BABAM2: variants seen among roughly 807,000 people sequenced by gnomAD.
BABAM2 encodes the protein BRISC and BRCA1-A complex member 2.
Under a neutral mutation model 54.7 loss-of-function variants are expected in BABAM2, and 31 were observed. That is an observed-to-expected ratio of 0.57 (90% CI 0.43 to 0.77). BABAM2 has a LOEUF of 0.77. Among genes scored for constraint, BABAM2 ranks in the 30% least tolerant of loss-of-function variants. The pLI, the probability that BABAM2 is intolerant of heterozygous loss-of-function variation, is 0.00. For missense variants in BABAM2, 364 were observed against 455.8 expected, an observed-to-expected ratio of 0.80 and a Z score of 1.83; for synonymous variants, 167 against 162.9, an observed-to-expected ratio of 1.03 and a Z score of -0.19.
chr2:27,957,183 T>C (rs1452195541), intron 3 of BABAM2, among the ~76,000 whole-genome samples: 1 of 152,208 alleles, frequency 6.6e-6, no homozygotes, highest in Non-Finnish European at 1.5e-5. Flanking sequence ...ATTATCTCAC[T>C]ACACTTGGGT....
At chr2:27,967,239 T>C (rs980023454) in intron 3 of BABAM2, among the ~76,000 whole-genome samples, 17 of 152,230 alleles carry the variant, frequency 1.1e-4, no homozygotes, top group South Asian at 1.0e-3. Context: ...GAAGGACTTG[T>C]GGGAGGTAAT....
intron 7 of BABAM2, among the ~76,000 whole-genome samples, chr2:28,145,729 C>T (rs895148033): frequency 6.6e-6 from 1 of 152,184 alleles, no homozygotes; most frequent in African/African-American, 2.4e-5. Flanking sequence ...GCAGTTACTC[C>T]CAGTTTTCCC....
chr2:28,334,679 G>A (rs1691263728), intron 11 of BABAM2, among the ~76,000 whole-genome samples: 1 of 152,240 alleles, frequency 6.6e-6, no homozygotes, highest in Non-Finnish European at 1.5e-5. Flanking sequence ...CTTCCATGTT[G>A]CTGGGGAAAT....
At chr2:28,165,491 G>A (rs569987479) in intron 7 of BABAM2, among the ~76,000 whole-genome samples, 39 of 149,458 alleles carry the variant, frequency 2.6e-4, no homozygotes, top group African/African-American at 8.9e-4. Context: ...AGAAAATGGT[G>A]GGGGAAGGGG....
intron 6 of BABAM2, among the ~76,000 whole-genome samples, chr2:28,081,022 G>A (rs1012207366): frequency 4.6e-5 from 7 of 152,128 alleles, no homozygotes; most frequent in African/African-American, 1.7e-4. Context: ...GATGAGAAGG[G>A]AGTAAAAAAC....
At chr2:28,118,020 C>T (rs1668753784) in intron 6 of BABAM2, among the ~76,000 whole-genome samples, 2 of 152,164 alleles carry the variant, frequency 1.3e-5, no homozygotes, top group South Asian at 4.1e-4. Context: ...TAAATAAAAA[C>T]TCACTATTGT....
intron 5 of BABAM2, among the ~76,000 whole-genome samples, chr2:28,030,808 T>G (rs1676244520): frequency 6.6e-6 from 1 of 152,052 alleles, no homozygotes; most frequent in Non-Finnish European, 1.5e-5. Context: ...AGGGCGGAAG[T>G]CCAAAATGGG....
chr2:27,947,624 G>C (rs1669395783), intron 3 of BABAM2, among the ~76,000 whole-genome samples: 1 of 152,036 alleles, frequency 6.6e-6, no homozygotes, highest in Admixed American at 6.6e-5. Flanking sequence ...TGTATGATTT[G>C]CAAATATTTT....
intron 10 of BABAM2, among the ~76,000 whole-genome samples, chr2:28,252,094 G>T (rs1683543081): frequency 6.6e-6 from 1 of 151,952 alleles, no homozygotes; most frequent in South Asian, 2.1e-4. Flanking sequence ...GCTGAGATAG[G>T]AGAATCGCTT....
At chr2:28,336,279 G>T (rs759057582) in intron 11 of BABAM2, among the ~76,000 whole-genome samples, 4 of 152,240 alleles carry the variant, frequency 2.6e-5, no homozygotes, top group Non-Finnish European at 5.9e-5. Context: ...GGGGTTTAGG[G>T]AGAATGGAAA....
intron 10 of BABAM2, among the ~76,000 whole-genome samples, chr2:28,272,902 G>A (rs1685545672): frequency 1.3e-5 from 2 of 152,178 alleles, no homozygotes. Context: ...CATGTGGAGG[G>A]ATACAGGTTT....
At chr2:27,922,160 C>T (rs1360411724) in intron 2 of BABAM2, among the ~76,000 whole-genome samples, 1 of 152,160 alleles carries the variant, frequency 6.6e-6, no homozygotes, top group Non-Finnish European at 1.5e-5. Context: ...TTGATGTCAT[C>T]ATCTGTAAAA....
At chr2:27,973,754 T>G (rs1200973572) in intron 3 of BABAM2, among the ~76,000 whole-genome samples, 1 of 152,116 alleles carries the variant, frequency 6.6e-6, no homozygotes, top group Non-Finnish European at 1.5e-5. Flanking sequence ...AGAATCAGTA[T>G]AGCAAAGTCT....
intron 3 of BABAM2, among the ~76,000 whole-genome samples, chr2:27,955,372 G>T (rs1309522892): frequency 6.6e-6 from 1 of 152,182 alleles, no homozygotes; most frequent in Non-Finnish European, 1.5e-5. Context: ...TCTTCCTAAG[G>T]CCAGGAAGCA....
At chr2:27,955,396 C>T (rs1287037122) in intron 3 of BABAM2, among the ~76,000 whole-genome samples, 3 of 152,222 alleles carry the variant, frequency 2.0e-5, no homozygotes, top group Non-Finnish European at 4.4e-5. Context: ...TATTGTTACT[C>T]ATTGCTGCTT....
At chr2:28,250,584 CT>C (rs34597279) in intron 10 of BABAM2, among the ~76,000 whole-genome samples, 2 of 137,016 alleles carry the variant, frequency 1.5e-5, no homozygotes, top group African/African-American at 5.3e-5. Flanking sequence ...ATATTTTTTT[CT>C]TTTTTTTTTG....
At chr2:27,937,843 C>T (rs1668596471) in intron 3 of BABAM2, among the ~76,000 whole-genome samples, 2 of 152,088 alleles carry the variant, frequency 1.3e-5, no homozygotes, top group African/African-American at 4.8e-5. Flanking sequence ...CTTTTGCTTT[C>T]TGTATTTTTG....
At chr2:27,928,350 A>G (rs534011404) in intron 2 of BABAM2, among the ~76,000 whole-genome samples, 2 of 151,998 alleles carry the variant, frequency 1.3e-5, no homozygotes, top group Non-Finnish European at 2.9e-5. Flanking sequence ...GGGTTTCACC[A>G]TGTTGGCCAG....
At chr2:28,137,326 T>A (rs1207063395) in intron 7 of BABAM2, among the ~76,000 whole-genome samples, 2 of 152,212 alleles carry the variant, frequency 1.3e-5, no homozygotes, top group Non-Finnish European at 2.9e-5. Context: ...TAGATGGTCC[T>A]GAGTATGCTA....
Sources: gnomAD v4.1 joint callset for allele counts (sites outside exome capture counted in the v4.1 genomes callset) on GRCh38, gnomAD v4.1.1 for gene constraint, MANE v1.5 for transcripts, NCBI Gene and HGNC (gene_info 2026-07-23, HGNC 2026-07-21) for gene names.